The following TRAPPC2L variants were observed in gnomAD, a reference collection of about 807,000 sequenced individuals.
The protein encoded by TRAPPC2L is trafficking protein particle complex subunit 2L.
A neutral mutation model predicts 13.2 loss-of-function variants in TRAPPC2L; 17 were observed. That is an observed-to-expected ratio of 1.29 (90% CI 0.88 to 1.93). TRAPPC2L has a LOEUF of 1.93. Among genes scored for constraint, TRAPPC2L ranks in the 30% most tolerant of loss-of-function variants. TRAPPC2L has a pLI of 0.00. For synonymous variants in TRAPPC2L, 150 were observed against 98.1 expected (o/e 1.53, Z -3.12); for missense variants, 359 against 252.1 (o/e 1.42, Z -2.87).
exon 4 of TRAPPC2L, chr16:88,860,756 G>A: frequency 2.6e-6 from 2 of 765,250 alleles, no homozygotes; most frequent in South Asian, 1.6e-5. Context: ...GCCCGGTGGG[G>A]TGGGACTCCT....
Position 88,860,940 on chromosome 16 carries a change from T to C in TRAPPC2L, c.*616T>C, listed in dbSNP as rs374869109. On this transcript the variant is annotated 3_prime_UTR_variant, in exon 4 of 4. Coordinates refer to ENST00000565504, the Ensembl canonical transcript of TRAPPC2L. ...GCCTTTGATAACATGGTGACGTCGA[T>C]GATGATACAGGTGTGCTGAGTGAGC... 2.4e-5 allele frequency: 38 copies of C among 1,593,776 alleles called. No homozygotes were observed. In the African/African-American group the frequency reaches 3.7e-4, roughly 16 times the overall value.
At chr16:88,857,182 A>G in exon 1 of TRAPPC2L, 1 of 1,576,948 alleles carries the variant, frequency 6.3e-7, no homozygotes. Context: ...ATTGCCAAGG[A>G]GGTGCGTACG....
chr16:88,861,235 C>T (rs1039728102), exon 4 of TRAPPC2L: 10 of 484,756 alleles, frequency 2.1e-5, no homozygotes, highest in Middle Eastern at 5.9e-4. Flanking sequence ...CCTCAGTTGT[C>T]CCAAAGGGGC....
intron 2 of TRAPPC2L, 110 bp downstream of exon 2, chr16:88,858,901 C>G: frequency 8.1e-7 from 1 of 1,231,188 alleles, no homozygotes; most frequent in Non-Finnish European, 1.1e-6. Context: ...GAGTTTTTAG[C>G]CAGCCAGGGA....
exon 2 of TRAPPC2L, chr16:88,858,766 C>A: frequency 6.2e-7 from 1 of 1,613,390 alleles, no homozygotes; most frequent in South Asian, 1.1e-5. Flanking sequence ...CCTGGGCCTG[C>A]TCTACCCCAC....
intron 1 of TRAPPC2L, 62 bp downstream of exon 1, chr16:88,857,245 T>C (rs1008202055): frequency 3.6e-6 from 5 of 1,407,020 alleles, no homozygotes; most frequent in Non-Finnish European, 4.8e-6. Context: ...GCTTTCTTTC[T>C]ACTTCTTCCC....
At chr16:88,856,356 G>C, upstream of TRAPPC2L, 3 of 702,016 alleles carry the variant, frequency 4.3e-6, no homozygotes, top group East Asian at 2.7e-5. Context: ...TCCTCCCTTT[G>C]GGGAGGCCAC....
In TRAPPC2L at chr16:88,858,718, G is replaced by A. The variant is rs1272548985; in HGVS notation, c.133G>A (p.Ala45Thr). ...GGACGTGGTGGATGAGAAGATCTCC[G>A]CAATGGGGAAGGCCCTGGTCGACCA... Residue 45 changes from alanine (A) to threonine (T), a missense_variant, in exon 2 of 4, where the codon GCA becomes ACA. Ala to Thr is a moderately conservative substitution (Grantham distance 58). Transcript: ENST00000565504. 2 of 1,613,566 alleles carry A rather than the reference G, an allele frequency of 1.2e-6. No individual in the cohort carries two copies. Among genetic ancestry groups the A allele is most frequent in the African/African-American group, 1.3e-5 (1 of 75,030 alleles).
intron 1 of TRAPPC2L, 145 bp downstream of exon 1, chr16:88,857,328 G>C (rs1314039489): frequency 1.3e-6 from 1 of 746,094 alleles, no homozygotes; most frequent in African/African-American, 1.9e-5. Context: ...CAGGGGCTTC[G>C]CGGTGGACGA....
chr16:88,858,851 G>C, intron 2 of TRAPPC2L, 60 bp downstream of exon 2: 2 of 1,539,378 alleles, frequency 1.3e-6, no homozygotes, highest in Non-Finnish European at 1.8e-6. Flanking sequence ...TGTACTTTAG[G>C]ATCAGATAAC....
At chr16:88,859,467 C>A (rs1361441800) in intron 2 of TRAPPC2L, 196 bp from the exon 3 acceptor site, 3 of 706,986 alleles carry the variant, frequency 4.2e-6, no homozygotes, top group Non-Finnish European at 7.7e-6. Context: ...GCCTGCTCTT[C>A]GCTTCTCCTG....
At chr16:88,857,347 G>A in intron 1 of TRAPPC2L, 164 bp downstream of exon 1, 2 of 628,932 alleles carry the variant, frequency 3.2e-6, no homozygotes, top group Non-Finnish European at 5.2e-6. Context: ...GAGCCGCCAG[G>A]CAGACCCTGA....
intron 2 of TRAPPC2L, chr16:88,859,458 C>T: frequency 1.4e-6 from 1 of 703,442 alleles, no homozygotes; most frequent in East Asian, 2.7e-5. Context: ...GGCTTGGCTG[C>T]CTGCTCTTCG....
chr16:88,857,835 A>G (rs1968065532), intron 1 of TRAPPC2L, among the ~76,000 whole-genome samples: 1 of 152,180 alleles, frequency 6.6e-6, no homozygotes, highest in Admixed American at 6.5e-5. Flanking sequence ...CATTTTCTGA[A>G]GGCTAAGACT....
intron 1 of TRAPPC2L, chr16:88,857,393 C>A: frequency 1.9e-6 from 1 of 513,976 alleles, no homozygotes; most frequent in East Asian, 3.5e-5. Context: ...CGTCCCGCTG[C>A]TGAACGCACC....
chr16:88,856,947 T>G (rs1205870339), upstream of TRAPPC2L: 4 of 1,445,892 alleles, frequency 2.8e-6, no homozygotes, highest in Non-Finnish European at 2.7e-6. Context: ...CCCTTCCGGC[T>G]GGGCTGCGGG....
At chr16:88,861,315 G>A (rs1968372550) in exon 4 of TRAPPC2L, 3 of 377,882 alleles carry the variant, frequency 7.9e-6, no homozygotes, top group African/African-American at 2.1e-5. Context: ...GTCACCCACT[G>A]GCTGAACAGG....
At chr16:88,856,921 A>G, upstream of TRAPPC2L, 5 of 1,483,530 alleles carry the variant, frequency 3.4e-6, no homozygotes, top group Non-Finnish European at 4.4e-6. Flanking sequence ...GAGCCGACCT[A>G]GCGAGCGTCC....
chr16:88,857,382 C>T (rs929089573), intron 1 of TRAPPC2L, 199 bp downstream of exon 1: 7 of 529,054 alleles, frequency 1.3e-5, no homozygotes, highest in African/African-American at 8.1e-5. Flanking sequence ...CCGCGCTCGC[C>T]CGTCCCGCTG....
Sources: gnomAD v4.1 joint callset for allele counts (sites outside exome capture counted in the v4.1 genomes callset) on GRCh38, gnomAD v4.1.1 for gene constraint, MANE v1.5 for transcripts, NCBI Gene and HGNC (gene_info 2026-07-23, HGNC 2026-07-21) for gene names.